Variants in RGS6 observed in about 807,000 individuals in gnomAD.
The protein encoded by RGS6 is regulator of G-protein signaling 6.
In RGS6, 30 loss-of-function variants were observed where a neutral mutation model predicts 78.5. That is an observed-to-expected ratio of 0.38 (90% confidence interval 0.29 to 0.52). The LOEUF (loss-of-function observed/expected upper bound fraction) is 0.52, where lower values mean the gene tolerates loss of function less well. Ranked by LOEUF, RGS6 falls within the 20% of genes least tolerant of loss-of-function variation. The pLI, the probability that RGS6 is intolerant of heterozygous loss-of-function variation, is 0.85. For missense variants in RGS6, 495 were observed against 609.7 expected (o/e 0.81, Z 1.98); for synonymous variants, 206 against 206.0 (o/e 1.00, Z 0.00).
At chr14:72,203,036 G>T (rs928700554) in intron 2 of RGS6, among the ~76,000 whole-genome samples, 6 of 151,872 alleles carry the variant, frequency 4.0e-5, no homozygotes, top group African/African-American at 1.5e-4. Flanking sequence ...CACCACACCC[G>T]GCTAATTTTT....
chr14:72,422,781 G>A (rs1236464229), intron 3 of RGS6, among the ~76,000 whole-genome samples: 4 of 152,172 alleles, frequency 2.6e-5, no homozygotes, highest in Non-Finnish European at 5.9e-5. Flanking sequence ...AAGTGGACTC[G>A]CTTATTAAGC....
At chr14:72,548,373 TTTAAA>T (rs1014589032) in intron 17 of RGS6, among the ~76,000 whole-genome samples, 5 of 149,206 alleles carry the variant, frequency 3.4e-5, no homozygotes, top group Admixed American at 2.0e-4. Flanking sequence ...GTGTGTGTGT[TTTAAA>T]TTCAGTTTCC....
chr14:72,226,276 G>A (rs1347488131), intron 2 of RGS6, among the ~76,000 whole-genome samples: 2 of 152,152 alleles, frequency 1.3e-5, no homozygotes, highest in Non-Finnish European at 2.9e-5. Context: ...GCCTTCAAAA[G>A]CAGTATTTTT....
At chr14:72,234,350 C>T (rs543767943) in intron 2 of RGS6, among the ~76,000 whole-genome samples, 1 of 151,806 alleles carries the variant, frequency 6.6e-6, no homozygotes, top group Non-Finnish European at 1.5e-5. Context: ...CTGACACATA[C>T]TATCTTGACT....
At chr14:72,105,504 A>G (rs1195452131) in intron 2 of RGS6, among the ~76,000 whole-genome samples, 1 of 152,098 alleles carries the variant, frequency 6.6e-6, no homozygotes, top group East Asian at 1.9e-4. Flanking sequence ...TGCATAACCA[A>G]GTTTTTTTCT....
intron 17 of RGS6, among the ~76,000 whole-genome samples, chr14:72,554,391 C>CT (rs1194021895): frequency 3.3e-5 from 5 of 152,272 alleles, no homozygotes; most frequent in Admixed American, 6.5e-5. Context: ...TATCAAGTAA[C>CT]TAAATTCCAG....
downstream of RGS6, among the ~76,000 whole-genome samples, chr14:72,568,940 T>C (rs2097717082): frequency 6.6e-6 from 1 of 152,192 alleles, no homozygotes; most frequent in African/African-American, 2.4e-5. Flanking sequence ...TTTCTCCCAT[T>C]ACATCACAGG....
rs560255143 is a variant in RGS6 at position 72,311,754 on chromosome 14, T to C, written c.85-40341T>C. 5.3e-5 allele frequency among the ~76,000 whole-genome samples: 8 copies of C among 152,324 alleles called. 2 individuals carry two copies. The highest frequency in any genetic ancestry group is 1.9e-4 in the African/African-American group (8 of 41,576). On this transcript the variant is annotated intron_variant, in intron 2 of 17. Coordinates refer to ENST00000553525, the MANE Select transcript of RGS6 (RefSeq NM_001204424.2). Reference sequence around the variant, plus strand: ...TTGAAAAGACCACTGTTGGGTTTTATTGCCATCATTGATATACAAGGATAA... The same window carrying C: ...TTGAAAAGACCACTGTTGGGTTTTACTGCCATCATTGATATACAAGGATAA...
intron 17 of RGS6, among the ~76,000 whole-genome samples, chr14:72,560,844 G>A (rs551008821): frequency 1.4e-5 from 2 of 145,290 alleles, no homozygotes; most frequent in South Asian, 4.5e-4. Flanking sequence ...GTGTGTTTAA[G>A]ATGGGGAGAA....
intron 17 of RGS6, among the ~76,000 whole-genome samples, chr14:72,546,805 T>C (rs2097411514): frequency 6.6e-6 from 1 of 152,188 alleles, no homozygotes; most frequent in African/African-American, 2.4e-5. Flanking sequence ...CCAAATCGCG[T>C]ACCCTGCCAG....
the RGS6 span, among the ~76,000 whole-genome samples, chr14:71,867,769 G>A: frequency 2.0e-5 from 3 of 152,150 alleles, no homozygotes; most frequent in South Asian, 2.1e-4. Flanking sequence ...TAGATTTTAC[G>A]TATGCTGGCC....
intron 15 of RGS6, 113 bp downstream of exon 15, chr14:72,518,650 T>A: frequency 9.8e-7 from 1 of 1,018,956 alleles, no homozygotes; most frequent in Non-Finnish European, 1.4e-6. Context: ...CAGATTTGGT[T>A]ATTTTTAAGT....
intron 2 of RGS6, among the ~76,000 whole-genome samples, chr14:72,278,959 A>G (rs1010319469): frequency 1.3e-5 from 2 of 152,044 alleles, no homozygotes; most frequent in Admixed American, 1.3e-4. Flanking sequence ...TTCTTTGTGC[A>G]CATGTGGAGA....
At chr14:71,928,204 A>C (rs924147155), upstream of RGS6, among the ~76,000 whole-genome samples, 4 of 152,186 alleles carry the variant, frequency 2.6e-5, no homozygotes, top group African/African-American at 9.6e-5. Context: ...CCCAGGTGTT[A>C]CTAATTCTGT....
At chr14:72,284,403 A>G (rs2062127722) in intron 2 of RGS6, among the ~76,000 whole-genome samples, 1 of 152,196 alleles carries the variant, frequency 6.6e-6, no homozygotes, top group African/African-American at 2.4e-5. Context: ...GGTGCCCGGC[A>G]TCCTAGCCAT....
intron 1 of RGS6, among the ~76,000 whole-genome samples, chr14:71,950,022 A>G (rs1316560813): frequency 2.6e-5 from 4 of 152,000 alleles, no homozygotes; most frequent in African/African-American, 4.8e-5. Context: ...CCATTTTTCT[A>G]TTTCTCTAAT....
intron 2 of RGS6, among the ~76,000 whole-genome samples, chr14:72,133,344 G>C (rs1258850750): frequency 6.6e-6 from 1 of 151,736 alleles, no homozygotes; most frequent in African/African-American, 2.4e-5. Context: ...TAGTTACTCA[G>C]CTCTTACCTT....
At chr14:71,999,217 G>A (rs1480045033) in intron 2 of RGS6, among the ~76,000 whole-genome samples, 2 of 152,226 alleles carry the variant, frequency 1.3e-5, no homozygotes, top group East Asian at 1.9e-4. Flanking sequence ...ACCGGAGAGC[G>A]TCAGTCGAAG....
At chr14:72,045,323 C>G (rs2092745212) in intron 2 of RGS6, among the ~76,000 whole-genome samples, 1 of 152,076 alleles carries the variant, frequency 6.6e-6, no homozygotes, top group African/African-American at 2.4e-5. Context: ...TCATTGAAAG[C>G]TGAAAATAAT....
Sources: allele counts gnomAD v4.1 joint callset (sites outside exome capture counted in the v4.1 genomes callset), GRCh38; gene constraint gnomAD v4.1.1; transcripts MANE v1.5; gene names NCBI Gene and HGNC (gene_info 2026-07-23, HGNC 2026-07-21).